The following PTPRT variants were observed in gnomAD, a reference collection of about 807,000 sequenced individuals.
The protein encoded by PTPRT is protein tyrosine phosphatase receptor type T, also known as receptor-type tyrosine-protein phosphatase T.
PTPRT carries 56 observed loss-of-function variants against 176.8 expected under a neutral mutation model. The ratio of observed to expected loss-of-function variants is 0.32; its 90% CI spans 0.26 to 0.40. The LOEUF (loss-of-function observed/expected upper bound fraction) is 0.40, where lower values mean the gene tolerates loss of function less well. PTPRT is among the 10% of genes least tolerant of loss of function. The probability of loss-of-function intolerance (pLI) is 1.00; values close to 1 mark genes in which losing one functional copy is unlikely to be tolerated. For missense variants in PTPRT, 1,540 were observed against 1,908.2 expected (o/e 0.81, Z 3.60); for synonymous variants, 783 against 739.0 (o/e 1.06, Z -0.96).
intron 1 of PTPRT, among the ~76,000 whole-genome samples, chr20:42,912,115 T>C (rs1978432910): frequency 6.6e-6 from 1 of 151,960 alleles, no homozygotes; most frequent in South Asian, 2.1e-4. Flanking sequence ...GCACAAATTA[T>C]ATATACAGTC....
At chr20:42,438,470 C>T (rs1202007857) in intron 9 of PTPRT, among the ~76,000 whole-genome samples, 1 of 152,134 alleles carries the variant, frequency 6.6e-6, no homozygotes, top group Non-Finnish European at 1.5e-5. Context: ...TCTCTGATAT[C>T]TCTGTCAGTT....
chr20:43,015,998 G>A (rs1985351462), intron 1 of PTPRT, among the ~76,000 whole-genome samples: 1 of 149,586 alleles, frequency 6.7e-6, no homozygotes, highest in South Asian at 2.1e-4. Context: ...CCCTCTCTCA[G>A]AATTTGACCT....
chr20:42,344,276 T>C (rs2058155238), intron 11 of PTPRT, among the ~76,000 whole-genome samples: 2 of 152,346 alleles, frequency 1.3e-5, no homozygotes, highest in South Asian at 4.1e-4. Flanking sequence ...CAATCTGTGA[T>C]GTAGGTATTC....
intron 7 of PTPRT, among the ~76,000 whole-genome samples, chr20:42,536,173 C>G (rs2072473432): frequency 6.6e-6 from 1 of 152,106 alleles, no homozygotes; most frequent in Non-Finnish European, 1.5e-5. Context: ...TTAACCATTT[C>G]ATAAGCAACA....
chr20:42,368,099 C>T (rs1283880404), intron 9 of PTPRT, among the ~76,000 whole-genome samples: 1 of 152,170 alleles, frequency 6.6e-6, no homozygotes, highest in Non-Finnish European at 1.5e-5. Context: ...GGATGCTGCA[C>T]AGCCCAGTTT....
At position 42,798,736 on chromosome 20, in the gene PTPRT, T is replaced by C. The variant is rs143437875; in HGVS notation, c.215-7270A>G. Among the ~76,000 whole-genome samples the C allele has an allele frequency of 7.7e-4, 117 of 152,288 alleles. 1 individual carries two copies. Among genetic ancestry groups the C allele is most frequent in the Admixed American group, 8.5e-4 (13 of 15,308 alleles). ...CAAGTAATAAGCATTTCTGTAACCA[T>C]TCATTCAGACCGGTAAGTTGGGGTT... On this transcript the variant is annotated intron_variant, in intron 2 of 30. Transcript: ENST00000373187.
chr20:43,022,920 ATGTAAT>A (rs1417418283), intron 1 of PTPRT, among the ~76,000 whole-genome samples: 3 of 152,108 alleles, frequency 2.0e-5, no homozygotes, highest in Admixed American at 6.5e-5. Context: ...ATTTAAAGGG[ATGTAAT>A]TGTAACTCCC....
intron 2 of PTPRT, among the ~76,000 whole-genome samples, chr20:42,803,935 C>T (rs534685413): frequency 1.3e-5 from 2 of 152,320 alleles, no homozygotes; most frequent in Non-Finnish European, 2.9e-5. Context: ...GGACTCCAAT[C>T]CCTACCCCAG....
At chr20:42,912,336 A>T (rs748540073) in intron 1 of PTPRT, among the ~76,000 whole-genome samples, 3 of 152,210 alleles carry the variant, frequency 2.0e-5, no homozygotes, top group African/African-American at 4.8e-5. Context: ...TTATAAGTTC[A>T]ACTGGCCATT....
rs1053019691 is a variant in PTPRT, at chr20:42,078,933, G to C, written c.*1946C>G. ...ATCCACTCCACACTACTGCACCATG[G>C]TTCCATTTCCCCAGCATACAGTGGG... is the stretch of plus-strand genomic sequence containing the variant. On this transcript the variant is annotated 3_prime_UTR_variant, in exon 31 of 31. Coordinates refer to ENST00000373187, the MANE Select transcript of PTPRT (RefSeq NM_007050.6). The C allele has an allele frequency of 5.7e-6, 1 of 176,144 alleles. No homozygotes were observed. Among genetic ancestry groups the C allele is most frequent in the Admixed American group, 6.3e-5 (1 of 15,764 alleles). The allele number at this position is 176,144 out of a possible 1,614,324, so 10.9% of individuals were successfully genotyped here.
At chr20:42,995,420 T>C (rs1263665969) in intron 1 of PTPRT, among the ~76,000 whole-genome samples, 1 of 152,294 alleles carries the variant, frequency 6.6e-6, no homozygotes, top group East Asian at 1.9e-4. Context: ...TCTAATCCCG[T>C]ATTTGTCTTG....
intron 9 of PTPRT, among the ~76,000 whole-genome samples, chr20:42,355,688 G>T (rs1313946923): frequency 6.6e-6 from 1 of 152,172 alleles, no homozygotes; most frequent in African/African-American, 2.4e-5. Context: ...AGACAGTTCA[G>T]CCTGTAGCCA....
the PTPRT span, among the ~76,000 whole-genome samples, chr20:42,055,555 T>C: frequency 6.6e-6 from 1 of 152,000 alleles, no homozygotes. Flanking sequence ...GCAAGGGATG[T>C]GGTTGGGGAG....
chr20:42,311,692 C>CT (rs1181558838), intron 12 of PTPRT, among the ~76,000 whole-genome samples: 1 of 151,798 alleles, frequency 6.6e-6, no homozygotes, highest in Admixed American at 6.6e-5. Flanking sequence ...ACTTTTTTAC[C>CT]CCCCCGTCAC....
At chr20:42,965,008 G>A (rs111927785) in intron 1 of PTPRT, among the ~76,000 whole-genome samples, 4 of 152,080 alleles carry the variant, frequency 2.6e-5, no homozygotes, top group Non-Finnish European at 5.9e-5. Context: ...TAAATCCAAG[G>A]TTATCAACAG....
At chr20:42,097,663 A>AAAT (rs1276029761) in intron 27 of PTPRT, among the ~76,000 whole-genome samples, 3 of 152,226 alleles carry the variant, frequency 2.0e-5, no homozygotes, top group Non-Finnish European at 2.9e-5. Context: ...AAAAATTTTT[A>AAAT]AATTCCCATC....
chr20:42,201,730 CAAAA>C (rs57007206), intron 15 of PTPRT, among the ~76,000 whole-genome samples: 17 of 74,036 alleles, frequency 2.3e-4, no homozygotes, highest in African/African-American at 3.2e-4. Context: ...GAACCAGAGG[CAAAA>C]AAAAAAAAAA....
chr20:42,040,760 G>A, the PTPRT span, among the ~76,000 whole-genome samples: 1 of 152,210 alleles, frequency 6.6e-6, no homozygotes, highest in African/African-American at 2.4e-5. Flanking sequence ...TGTAGACACA[G>A]ACATCAGAAA....
intron 1 of PTPRT, among the ~76,000 whole-genome samples, chr20:42,965,731 A>C (rs1411583899): frequency 6.6e-6 from 1 of 152,174 alleles, no homozygotes; most frequent in East Asian, 1.9e-4. Flanking sequence ...AGATGGAAAA[A>C]CTTAACATGG....
Sources: allele counts gnomAD v4.1 joint callset (sites outside exome capture counted in the v4.1 genomes callset), GRCh38; gene constraint gnomAD v4.1.1; transcripts MANE v1.5; gene names NCBI Gene and HGNC (gene_info 2026-07-23, HGNC 2026-07-21).